Variants in WWOX observed in about 807,000 individuals in gnomAD.
WWOX encodes WW domain containing oxidoreductase.
In WWOX, 69 loss-of-function variants were observed where a neutral mutation model predicts 46.2. That is an observed-to-expected ratio of 1.49 (90% CI 1.23 to 1.82). WWOX has a LOEUF of 1.82. Among genes scored for constraint, WWOX ranks in the 40% most tolerant of loss-of-function variants. WWOX has a pLI of 0.00. For synonymous variants in WWOX, 359 were observed against 202.6 expected (o/e 1.77, Z -6.56); for missense variants, 919 against 542.6 (o/e 1.69, Z -6.89).
chr16:78,896,099 T>C (rs1190908290), intron 8 of WWOX: 2 of 152,004 alleles, frequency 1.3e-5, no homozygotes, highest in African/African-American at 4.8e-5. Context: ...AGGCAATTGA[T>C]CTTTAAAAAT....
At chr16:78,335,825 C>G (rs952860584) in intron 5 of WWOX, among the ~76,000 whole-genome samples, 13 of 152,294 alleles carry the variant, frequency 8.5e-5, no homozygotes, top group African/African-American at 2.6e-4. Context: ...AGCATGATGA[C>G]TCACATTTGT....
At chr16:78,961,839 A>G (rs1018360265) in intron 8 of WWOX, among the ~76,000 whole-genome samples, 2 of 152,188 alleles carry the variant, frequency 1.3e-5, no homozygotes, top group Admixed American at 6.5e-5. Context: ...TTTCTGCTAC[A>G]TCTTCCATGA....
Position 78,476,919 on chromosome 16 carries a change from C to G in WWOX, c.1056+44167C>G, listed in dbSNP as rs1402439474. ...CTCTTCTCTCCCCTCTCCCCCTTCTCCTTTCCGTCCTTCCTCCTTCAGTTC... is the reference window on the plus strand; with the variant it reads ...CTCTTCTCTCCCCTCTCCCCCTTCTGCTTTCCGTCCTTCCTCCTTCAGTTC... On this transcript the variant is annotated intron_variant, in intron 8 of 8. Transcript: ENST00000566780. Among the ~76,000 whole-genome samples the G allele has an allele frequency of 2.0e-5, 3 of 152,214 alleles. No homozygotes were observed. The East Asian group carries it at 5.8e-4, about 29-fold the overall frequency.
chr16:78,651,288 G>T (rs1435513620), intron 8 of WWOX, among the ~76,000 whole-genome samples: 1 of 152,238 alleles, frequency 6.6e-6, no homozygotes, highest in Admixed American at 6.5e-5. Flanking sequence ...GAGTGCGAGC[G>T]AGAGAGCCCT....
intron 8 of WWOX, among the ~76,000 whole-genome samples, chr16:78,483,760 C>G (rs2084557759): frequency 6.6e-6 from 1 of 152,016 alleles, no homozygotes; most frequent in Non-Finnish European, 1.5e-5. Context: ...GATAAAATAT[C>G]ACACCTTTGG....
chr16:78,571,540 T>C (rs2044715995), intron 8 of WWOX, among the ~76,000 whole-genome samples: 2 of 152,158 alleles, frequency 1.3e-5, no homozygotes, highest in South Asian at 2.1e-4. Flanking sequence ...AAGAATACCA[T>C]ATTATCGAAA....
intron 8 of WWOX, among the ~76,000 whole-genome samples, chr16:78,893,120 C>T (rs563266531): frequency 1.6e-4 from 24 of 151,722 alleles, no homozygotes; most frequent in Admixed American, 1.1e-3. Context: ...TAGTTACCCA[C>T]ACAGAAAAGG....
chr16:78,424,955 G>C lies in WWOX; in HGVS notation c.691G>C (p.Val231Leu), dbSNP rs755974419. 1.5e-5 allele frequency: 25 copies of C among 1,614,140 alleles called. No individual in the cohort carries two copies. Among genetic ancestry groups the C allele is most frequent in the Non-Finnish European group, 1.9e-5 (22 of 1,180,024 alleles). Residue 231 changes from valine to leucine, a missense_variant, in exon 7 of 9, where the codon GTG becomes CTG. Coordinates refer to ENST00000566780, the MANE Select transcript of WWOX (RefSeq NM_016373.4). The part of the protein sequence containing the change: ...TKDGLETTFQ[V>L]NHLGHFYLVQ... ...AGATGGCCTGGAGACCACCTTTCAA[G>C]TGAATCATCTGGGGCACTTCTACCT...
chr16:78,372,848 C>T (rs2081725359), intron 5 of WWOX, among the ~76,000 whole-genome samples: 1 of 152,136 alleles, frequency 6.6e-6, no homozygotes, highest in Admixed American at 6.5e-5. Flanking sequence ...AATTTGTTAT[C>T]ATCATGCCTC....
At chr16:78,765,132 C>G (rs2049897061) in intron 8 of WWOX, among the ~76,000 whole-genome samples, 1 of 152,138 alleles carries the variant, frequency 6.6e-6, no homozygotes, top group Non-Finnish European at 1.5e-5. Context: ...GGTGATGGTC[C>G]TTGAAGGATG....
At chr16:79,197,837 A>G (rs2051270339) in intron 8 of WWOX, among the ~76,000 whole-genome samples, 1 of 152,168 alleles carries the variant, frequency 6.6e-6, no homozygotes, top group Non-Finnish European at 1.5e-5. Flanking sequence ...AAGTCCTTAT[A>G]TCAGGACTCC....
At chr16:78,299,001 C>CA (rs2079992639) in intron 5 of WWOX, among the ~76,000 whole-genome samples, 2 of 152,012 alleles carry the variant, frequency 1.3e-5, no homozygotes, top group African/African-American at 4.8e-5. Context: ...AAGTTTACGC[C>CA]AAAAAGGATG....
chr16:78,587,924 G>A (rs1319815245), intron 8 of WWOX, among the ~76,000 whole-genome samples: 1 of 152,102 alleles, frequency 6.6e-6, no homozygotes, highest in East Asian at 1.9e-4. Context: ...TAAATCAAGC[G>A]GGCCTCCCCA....
intron 8 of WWOX, among the ~76,000 whole-genome samples, chr16:78,955,996 A>G (rs956427347): frequency 2.0e-5 from 3 of 152,118 alleles, no homozygotes; most frequent in Non-Finnish European, 4.4e-5. Context: ...AAAAACAAAA[A>G]AAAACACAAA....
intron 8 of WWOX, among the ~76,000 whole-genome samples, chr16:79,118,330 C>G (rs908504531): frequency 1.3e-5 from 2 of 152,186 alleles, no homozygotes; most frequent in African/African-American, 4.8e-5. Context: ...AGTTTGCCAT[C>G]TGATATGGGT....
intron 8 of WWOX, among the ~76,000 whole-genome samples, chr16:79,078,677 G>T (rs2048704818): frequency 6.6e-6 from 1 of 152,190 alleles, no homozygotes. Flanking sequence ...TTTGTTGTCT[G>T]TGTTTAAAGG....
At chr16:79,048,885 C>G (rs749871500) in intron 8 of WWOX, among the ~76,000 whole-genome samples, 6 of 152,234 alleles carry the variant, frequency 3.9e-5, no homozygotes, top group Middle Eastern at 3.4e-3. Context: ...ACCACCATCC[C>G]CAGAGTGACC....
In WWOX at chr16:78,952,001, A is replaced by C. The variant is rs77035219; in HGVS notation, c.1057-259607A>C. Among the ~76,000 whole-genome samples the C allele has an allele frequency of 1.2e-3, 184 of 152,182 alleles. 1 individual carries two copies. The East Asian group carries it at 0.034, about 28-fold the overall frequency. ...GTGAGTATGCCATTCTAATCTTCCC[A>C]CCCTCAGATAAACCACAGCAATGAT... On this transcript the variant is annotated intron_variant, in intron 8 of 8. Coordinates refer to ENST00000566780, the MANE Select transcript of WWOX (RefSeq NM_016373.4).
intron 8 of WWOX, among the ~76,000 whole-genome samples, chr16:79,144,175 C>T (rs1007569352): frequency 1.4e-4 from 21 of 152,310 alleles, no homozygotes; most frequent in African/African-American, 3.8e-4. Flanking sequence ...GTGGAGATTA[C>T]AGGCATGAGC....
Sources: gnomAD v4.1 joint callset for allele counts (sites outside exome capture counted in the v4.1 genomes callset) on GRCh38, gnomAD v4.1.1 for gene constraint, MANE v1.5 for transcripts, NCBI Gene and HGNC (gene_info 2026-07-23, HGNC 2026-07-21) for gene names.